The following NFATC1 variants were observed in gnomAD, a reference collection of about 807,000 sequenced individuals.
NFATC1 encodes nuclear factor of activated T-cells, cytoplasmic 1.
A neutral mutation model predicts 76.0 loss-of-function variants in NFATC1; 22 were observed. The ratio of observed to expected loss-of-function variants is 0.29; its 90% confidence interval spans 0.21 to 0.41. The LOEUF is 0.41. Ranked by LOEUF, NFATC1 falls within the 10% of genes least tolerant of loss-of-function variation. The pLI, the probability that NFATC1 is intolerant of heterozygous loss-of-function variation, is 1.00. For synonymous variants in NFATC1, 704 were observed against 613.1 expected (o/e 1.15, Z -2.19); for missense variants, 1,357 against 1,337.7 (o/e 1.01, Z -0.23).
At chr18:79,464,238 G>A (rs1003171258) in intron 7 of NFATC1, among the ~76,000 whole-genome samples, 12 of 151,966 alleles carry the variant, frequency 7.9e-5, no homozygotes, top group Non-Finnish European at 8.8e-5. Flanking sequence ...TACAGGCGCC[G>A]GCCACTATGC....
intron 4 of NFATC1, among the ~76,000 whole-genome samples, chr18:79,449,762 G>A (rs1303161913): frequency 2.6e-5 from 4 of 152,210 alleles, no homozygotes; most frequent in South Asian, 4.1e-4. Context: ...CCCCATCCAG[G>A]TGGAGCCCCG....
intron 3 of NFATC1, among the ~76,000 whole-genome samples, chr18:79,434,087 C>T (rs548010010): frequency 2.0e-5 from 3 of 152,244 alleles, no homozygotes; most frequent in Non-Finnish European, 4.4e-5. Flanking sequence ...CCAGCCTCGC[C>T]TGGTGGGGGA....
chr18:79,405,024 CAT>C (rs758377422), intron 1 of NFATC1, among the ~76,000 whole-genome samples: 2 of 152,316 alleles, frequency 1.3e-5, no homozygotes, highest in Non-Finnish European at 2.9e-5. Context: ...ACAGCTCTGA[CAT>C]GTGGAACTTG....
At chr18:79,467,765 G>A in intron 8 of NFATC1, 183 bp downstream of exon 8, 13 of 958,532 alleles carry the variant, frequency 1.4e-5, no homozygotes, top group Non-Finnish European at 1.5e-5. Context: ...AGCTTCGGAT[G>A]CATTTTCCTT....
intron 6 of NFATC1, among the ~76,000 whole-genome samples, chr18:79,455,740 C>T (rs950941916): frequency 7.9e-5 from 12 of 151,510 alleles, no homozygotes; most frequent in Middle Eastern, 3.4e-3. Flanking sequence ...CAGCTCGCCC[C>T]CCATCTCACG....
At chr18:79,462,911 G>A (rs146594358) in intron 7 of NFATC1, among the ~76,000 whole-genome samples, 206 of 152,028 alleles carry the variant, frequency 1.4e-3, no homozygotes, top group Middle Eastern at 6.8e-3. Flanking sequence ...ATCTCGGGCG[G>A]CTGGAGGCAG....
rs564122881 is a variant in NFATC1, at chr18:79,494,280, G to T, written c.2782+7343G>T. Among the ~76,000 whole-genome samples, 86 of 148,378 alleles carry T rather than the reference G, an allele frequency of 5.8e-4. 2 individuals carry two copies. The South Asian group carries it at 0.018, about 31-fold the overall frequency. Reference sequence around the variant, plus strand: ...ACACGCCCCCCATGAACCTGGTACCGCCGGGGGAAGGCGAGAGCGGGCACA... The same window carrying T: ...ACACGCCCCCCATGAACCTGGTACCTCCGGGGGAAGGCGAGAGCGGGCACA... On this transcript the variant is annotated intron_variant, in intron 9 of 9. Transcript: ENST00000427363.
rs116063490 is a variant in NFATC1, at chr18:79,463,190, G to T, written c.1959+1824G>T. On this transcript the variant is annotated intron_variant, in intron 7 of 9. Transcript: ENST00000427363. ...TCACCTGCACCTTCAGTGGTGCTCA[G>T]GCCTCCCCTGAAGCTCCTGGCACTC... Among the ~76,000 whole-genome samples the T allele has an allele frequency of 9.4e-3, 1,439 of 152,346 alleles. 32 individuals carry two copies. The highest frequency in any genetic ancestry group is 0.033 in the African/African-American group (1,376 of 41,580).
intron 8 of NFATC1, among the ~76,000 whole-genome samples, chr18:79,483,292 T>C (rs1600879961): frequency 7.9e-6 from 1 of 126,082 alleles, no homozygotes; most frequent in African/African-American, 3.0e-5. Context: ...GACCTGGTCC[T>C]GGGGTGTCAT....
At chr18:79,527,250 G>A in intron 9 of NFATC1, 1 of 382,424 alleles carries the variant, frequency 2.6e-6, no homozygotes, top group Non-Finnish European at 4.8e-6. Context: ...CAGCATCGCG[G>A]CCGGCACCTG....
intron 7 of NFATC1, 140 bp downstream of exon 7, chr18:79,461,506 C>A (rs1050080490): frequency 4.8e-5 from 26 of 545,238 alleles, no homozygotes; most frequent in Non-Finnish European, 7.5e-5. Context: ...AAAAATAGTG[C>A]ATAGAGTAAC....
intron 2 of NFATC1, among the ~76,000 whole-genome samples, chr18:79,420,382 A>G (rs11081537): frequency 0.48 from 49,991 of 103,318 alleles, 11,650 homozygotes; most frequent in African/African-American, 0.68. Context: ...GAGAGGAAGG[A>G]GGGTCGCGTT....
At chr18:79,483,044 G>A (rs1169219661) in intron 8 of NFATC1, among the ~76,000 whole-genome samples, 3 of 131,814 alleles carry the variant, frequency 2.3e-5, no homozygotes, top group Admixed American at 7.8e-5. Context: ...TAATTCCAGC[G>A]TGACCTGGTC....
Position 79,396,174 on chromosome 18 carries a change from G to T in NFATC1, c.-51G>T. 7.1e-7 allele frequency: 1 copy of T among 1,409,090 alleles called. No homozygotes were observed. Among genetic ancestry groups the T allele is most frequent in the Non-Finnish European group, 9.4e-7 (1 of 1,068,096 alleles). The allele number at this position is 1,409,090 out of a possible 1,614,324, so 87.3% of individuals were successfully genotyped here. On this transcript the variant is annotated 5_prime_UTR_variant, in exon 1 of 10. Coordinates refer to ENST00000427363, the MANE Select transcript of NFATC1 (RefSeq NM_001278669.2). ...CCGACCCCGGCAGCGCGGGGCGGCC[G>T]CTTCTCCTGTGCCTCCGCCCGCCGC...
At chr18:79,509,836 T>C (rs1360804826) in intron 9 of NFATC1, among the ~76,000 whole-genome samples, 1 of 152,174 alleles carries the variant, frequency 6.6e-6, no homozygotes, top group Non-Finnish European at 1.5e-5. Flanking sequence ...CCCTCCCACT[T>C]TCTCTGGGCT....
intron 4 of NFATC1, 69 bp from the exon 5 acceptor site, chr18:79,450,885 G>C (rs2087441906): frequency 1.3e-6 from 2 of 1,547,648 alleles, no homozygotes; most frequent in South Asian, 1.2e-5. Context: ...CAGAGGGTCT[G>C]GGGGGCCAGG....
intron 7 of NFATC1, among the ~76,000 whole-genome samples, chr18:79,463,883 C>T (rs527797922): frequency 1.3e-5 from 2 of 152,342 alleles, no homozygotes; most frequent in African/African-American, 4.8e-5. Context: ...GCCCTGTCCC[C>T]CTAGGCAGGG....
At chr18:79,507,683 C>T (rs1413636270) in intron 9 of NFATC1, among the ~76,000 whole-genome samples, 2 of 152,236 alleles carry the variant, frequency 1.3e-5, no homozygotes, top group South Asian at 2.1e-4. Flanking sequence ...CTAGAAAGGA[C>T]ACCAGGCTTC....
chr18:79,439,119 C>T (rs1032053193), intron 3 of NFATC1, among the ~76,000 whole-genome samples: 1 of 152,180 alleles, frequency 6.6e-6, no homozygotes. Context: ...ATACCGTGGA[C>T]AGATTACCAC....
Sources: allele counts gnomAD v4.1 joint callset (sites outside exome capture counted in the v4.1 genomes callset), GRCh38; gene constraint gnomAD v4.1.1; transcripts MANE v1.5; gene names NCBI Gene and HGNC (gene_info 2026-07-23, HGNC 2026-07-21).